The following SPRR2E variants were observed in gnomAD, a reference collection of about 807,000 sequenced individuals.
The protein encoded by SPRR2E is small proline rich protein 2E, also known as small proline-rich protein 2E.
For synonymous variants in SPRR2E, 20 were observed against 32.2 expected, an observed-to-expected ratio of 0.62 and a Z score of 1.28; for missense variants, 68 against 87.1, an observed-to-expected ratio of 0.78 and a Z score of 0.87.
Position 153,093,414 on chromosome 1 carries a change from A to C in SPRR2E, c.*119T>G, listed in dbSNP as rs1012894873. Reference sequence around the variant, plus strand: ...CATCATGGGCAGATCACTGGCTAAGAGGAAAGAAGCTAACTGTGTATCCAT... The same window carrying C: ...CATCATGGGCAGATCACTGGCTAAGCGGAAAGAAGCTAACTGTGTATCCAT... On this transcript the variant is annotated 3_prime_UTR_variant, in exon 2 of 2. Coordinates refer to ENST00000368750, the MANE Select transcript of SPRR2E (RefSeq NM_001024209.4). 6.0e-6 allele frequency: 9 copies of C among 1,511,054 alleles called. No homozygotes were observed. The highest frequency in any genetic ancestry group is 8.0e-6 in the Non-Finnish European group (9 of 1,123,666). 93.6% of individuals were successfully genotyped at this position (1,511,054 alleles called of 1,614,324 possible).
intron 1 of SPRR2E, among the ~76,000 whole-genome samples, 195 bp downstream of exon 1, chr1:153,094,289 A>G (rs1232639767): frequency 6.6e-6 from 1 of 152,260 alleles, no homozygotes; most frequent in Non-Finnish European, 1.5e-5. Flanking sequence ...TTCTCTGTCC[A>G]TATGGACATA....
chr1:153,093,452 T>C lies in SPRR2E; in HGVS notation c.*81A>G, dbSNP rs568523111. 2 of 1,560,432 alleles carry C rather than the reference T, an allele frequency of 1.3e-6. No homozygotes were observed. Among genetic ancestry groups the C allele is most frequent in the South Asian group, 2.5e-5 (2 of 81,268 alleles). Reference sequence around the variant, plus strand: ...ACTGTGTATCCATGGTAGGCTTTGATGAGAAGATGCAGGTGAAGCTGTGGA... The same window carrying C: ...ACTGTGTATCCATGGTAGGCTTTGACGAGAAGATGCAGGTGAAGCTGTGGA... On this transcript the variant is annotated 3_prime_UTR_variant, in exon 2 of 2. Transcript: ENST00000368750.
In SPRR2E at chr1:153,093,730, A is replaced by C. The variant is rs559981509; in HGVS notation, c.22T>G (p.Cys8Gly). 1 of 1,612,134 alleles carries C rather than the reference A, an allele frequency of 6.2e-7. No homozygotes were observed. Among genetic ancestry groups the C allele is most frequent in the South Asian group, 1.1e-5 (1 of 91,002 alleles). The change falls in exon 2 of 2, where the codon TGC (cysteine) becomes GGC (glycine). Residue 8 changes from cysteine to glycine, a missense_variant. Coordinates refer to ENST00000368750, the MANE Select transcript of SPRR2E (RefSeq NM_001024209.4). MSYQQQQ[C>G]KQPCQPPPVC... ...GGAGGTGGCTGGCAGGGCTGCTTGC[A>C]CTGCTGCTGTTGATAAGACATCCTG...
At position 153,093,340 on chromosome 1, in the gene SPRR2E, C is replaced by G. The variant is rs1655133819; in HGVS notation, c.*193G>C. ...CTTCCTTTCTCAGTCTCCACCTGGA[C>G]AGTGGCAATATGGCAGCCTCAGAAA... is the stretch of plus-strand genomic sequence containing the variant. On this transcript the variant is annotated 3_prime_UTR_variant, in exon 2 of 2. Transcript: ENST00000368750. The G allele has an allele frequency of 9.2e-7, 1 of 1,091,102 alleles. No individual in the cohort carries two copies. Among genetic ancestry groups the G allele is most frequent in the Non-Finnish European group, 1.3e-6 (1 of 771,796 alleles). The allele number at this position is 1,091,102 out of a possible 1,614,324, so 67.6% of individuals were successfully genotyped here.
At position 153,093,380 on chromosome 1, in the gene SPRR2E, A is replaced by G. The variant is rs1655134666; in HGVS notation, c.*153T>C. 4 of 1,406,840 alleles carry G rather than the reference A, an allele frequency of 2.8e-6. No individual in the cohort carries two copies. The highest frequency in any genetic ancestry group is 3.8e-6 in the Non-Finnish European group (4 of 1,041,652). 87.1% of individuals were successfully genotyped at this position (1,406,840 alleles called of 1,614,324 possible). On this transcript the variant is annotated 3_prime_UTR_variant, in exon 2 of 2. Coordinates refer to ENST00000368750, the MANE Select transcript of SPRR2E (RefSeq NM_001024209.4). Reference sequence around the variant, plus strand: ...AGCCTCAGAAAGGAAACCTTTTGCTATCAGGGATCATCATGGGCAGATCAC... The same window carrying G: ...AGCCTCAGAAAGGAAACCTTTTGCTGTCAGGGATCATCATGGGCAGATCAC...
Position 153,093,663 on chromosome 1 carries a change from G to A in SPRR2E, c.89C>T (p.Pro30Leu), listed in dbSNP as rs146373267. The A allele has an allele frequency of 9.9e-5, 159 of 1,612,342 alleles. 1 individual carries two copies. In the Middle Eastern group the frequency reaches 1.9e-3, roughly 19 times the overall value. The change falls in exon 2 of 2, where the codon CCG becomes CTG. Residue 30 changes from proline to leucine, a missense_variant. Pro to Leu is a moderately conservative substitution (Grantham distance 98). Coordinates refer to ENST00000368750, the MANE Select transcript of SPRR2E (RefSeq NM_001024209.4). ...TPKCPEPCPP[P>L]KCPEPCPPPK... ...TGGTGGGCAGGGCTCAGGGCACTTC[G>A]GGGGTGGACATGGCTCTGGGCACTT...
chr1:153,093,211 G>A lies in SPRR2E; in HGVS notation c.*322C>T. On this transcript the variant is annotated 3_prime_UTR_variant, in exon 2 of 2. Coordinates refer to ENST00000368750, the MANE Select transcript of SPRR2E (RefSeq NM_001024209.4). ...ACAGGTGTTAGAAGCCCATGCCCAGGTGACAGACAGACACAGAAAACATCA... is the reference window on the plus strand; with the variant it reads ...ACAGGTGTTAGAAGCCCATGCCCAGATGACAGACAGACACAGAAAACATCA... The A allele has an allele frequency of 2.3e-6, 1 of 444,238 alleles. No individual in the cohort carries two copies. Among genetic ancestry groups the A allele is most frequent in the Non-Finnish European group, 3.9e-6 (1 of 253,912 alleles). 27.5% of individuals were successfully genotyped at this position (444,238 alleles called of 1,614,324 possible).
Position 153,093,175 on chromosome 1 carries a change from G to A in SPRR2E, c.*358C>T, listed in dbSNP as rs1436713047. 1.1e-5 allele frequency: 4 copies of A among 356,570 alleles called. No homozygotes were observed. The highest frequency in any genetic ancestry group is 2.1e-5 in the African/African-American group (1 of 47,522). The allele number at this position is 356,570 out of a possible 1,614,324, so 22.1% of individuals were successfully genotyped here. A position where few individuals can be genotyped will look rare whatever the true frequency, so the allele number is the denominator to read the frequency against. The stretch of plus-strand genomic sequence containing the variant: ...ATTTTATTCAGGGAGTGAAAGAAAA[G>A]TGACAATTGCACAGGTGTTAGAAGC... On this transcript the variant is annotated 3_prime_UTR_variant, in exon 2 of 2. Transcript: ENST00000368750.
In SPRR2E at chr1:153,093,407, G is replaced by C; in HGVS notation, c.*126C>G. ...CAGGGATCATCATGGGCAGATCACTGGCTAAGAGGAAAGAAGCTAACTGTG... is the reference window on the plus strand; with the variant it reads ...CAGGGATCATCATGGGCAGATCACTCGCTAAGAGGAAAGAAGCTAACTGTG... On this transcript the variant is annotated 3_prime_UTR_variant, in exon 2 of 2. Transcript: ENST00000368750. 4.0e-6 allele frequency: 6 copies of C among 1,500,438 alleles called. No individual in the cohort carries two copies. Among genetic ancestry groups the C allele is most frequent in the Non-Finnish European group, 5.4e-6 (6 of 1,114,612 alleles). 92.9% of individuals were successfully genotyped at this position (1,500,438 alleles called of 1,614,324 possible).
rs1655136740 is a variant in SPRR2E at position 153,093,450 on chromosome 1, G to A, written c.*83C>T. On this transcript the variant is annotated 3_prime_UTR_variant, in exon 2 of 2. Transcript: ENST00000368750. Reference sequence around the variant, plus strand: ...TAACTGTGTATCCATGGTAGGCTTTGATGAGAAGATGCAGGTGAAGCTGTG... The same window carrying A: ...TAACTGTGTATCCATGGTAGGCTTTAATGAGAAGATGCAGGTGAAGCTGTG... 6.4e-7 allele frequency: 1 copy of A among 1,559,278 alleles called. No individual in the cohort carries two copies. Among genetic ancestry groups the A allele is most frequent in the Non-Finnish European group, 8.7e-7 (1 of 1,151,198 alleles).
chr1:153,093,475 G>A lies in SPRR2E; in HGVS notation c.*58C>T. ...GATGAGAAGATGCAGGTGAAGCTGT[G>A]GAACAAGGTGAGCCAATTATCCTTA... On this transcript the variant is annotated 3_prime_UTR_variant, in exon 2 of 2. Transcript: ENST00000368750. 3 of 1,578,624 alleles carry A rather than the reference G, an allele frequency of 1.9e-6. No individual in the cohort carries two copies. Among genetic ancestry groups the A allele is most frequent in the Middle Eastern group, 4.6e-4 (2 of 4,306 alleles).
chr1:153,093,669 G>T lies in SPRR2E; in HGVS notation c.83C>A (p.Pro28Gln), dbSNP rs780977279. The stretch of plus-strand genomic sequence containing the variant: ...GCAGGGCTCAGGGCACTTCGGGGGT[G>T]GACATGGCTCTGGGCACTTTGGCGT... ...CPTPKCPEPC[P>Q]PPKCPEPCPP... The change falls in exon 2 of 2, where the codon CCA (proline) becomes CAA (glutamine). Residue 28 changes from proline to glutamine, a missense_variant. Coordinates refer to ENST00000368750, the MANE Select transcript of SPRR2E (RefSeq NM_001024209.4). The T allele has an allele frequency of 2.5e-6, 4 of 1,612,218 alleles. No homozygotes were observed. Among genetic ancestry groups the T allele is most frequent in the Non-Finnish European group, 3.4e-6 (4 of 1,179,850 alleles).
At position 153,093,447 on chromosome 1, in the gene SPRR2E, T is replaced by G. The variant is rs961569648; in HGVS notation, c.*86A>C. On this transcript the variant is annotated 3_prime_UTR_variant, in exon 2 of 2. Transcript: ENST00000368750. ...AGCTAACTGTGTATCCATGGTAGGCTTTGATGAGAAGATGCAGGTGAAGCT... is the reference window on the plus strand; with the variant it reads ...AGCTAACTGTGTATCCATGGTAGGCGTTGATGAGAAGATGCAGGTGAAGCT... 42 of 1,557,924 alleles carry G rather than the reference T, an allele frequency of 2.7e-5. 1 individual carries two copies. Among genetic ancestry groups the G allele is most frequent in the Non-Finnish European group, 3.6e-5 (41 of 1,150,582 alleles).
At position 153,093,235 on chromosome 1, in the gene SPRR2E, C is replaced by T; in HGVS notation, c.*298G>A. 1 of 492,580 alleles carries T rather than the reference C, an allele frequency of 2.0e-6. No homozygotes were observed. The highest frequency in any genetic ancestry group is 4.8e-5 in the South Asian group (1 of 20,928). The allele number at this position is 492,580 out of a possible 1,614,324, so 30.5% of individuals were successfully genotyped here. On this transcript the variant is annotated 3_prime_UTR_variant, in exon 2 of 2. Transcript: ENST00000368750. ...GGTGACAGACAGACACAGAAAACAT[C>T]AACAGCATTTTTTGATGGTTCCCAG...
Position 153,093,267 on chromosome 1 carries a change from A to T in SPRR2E, c.*266T>A. Reference sequence around the variant, plus strand: ...ATTTTTTGATGGTTCCCAGGGACAGAGCTGCTGGTCCTTCTTCCAAAGCTC... The same window carrying T: ...ATTTTTTGATGGTTCCCAGGGACAGTGCTGCTGGTCCTTCTTCCAAAGCTC... On this transcript the variant is annotated 3_prime_UTR_variant, in exon 2 of 2. Coordinates refer to ENST00000368750, the MANE Select transcript of SPRR2E (RefSeq NM_001024209.4). 1.7e-6 allele frequency: 1 copy of T among 597,176 alleles called. No individual in the cohort carries two copies. The highest frequency in any genetic ancestry group is 2.9e-5 in the East Asian group (1 of 34,280). The allele number at this position is 597,176 out of a possible 1,614,324, so 37.0% of individuals were successfully genotyped here.
In SPRR2E at chr1:153,093,495, T is replaced by A; in HGVS notation, c.*38A>T. On this transcript the variant is annotated 3_prime_UTR_variant, in exon 2 of 2. Transcript: ENST00000368750. Reference sequence around the variant, plus strand: ...GCTGTGGAACAAGGTGAGCCAATTATCCTTATCCTTTCATGCTCCTGATGA... The same window carrying A: ...GCTGTGGAACAAGGTGAGCCAATTAACCTTATCCTTTCATGCTCCTGATGA... 1 of 1,600,552 alleles carries A rather than the reference T, an allele frequency of 6.2e-7. No homozygotes were observed. The highest frequency in any genetic ancestry group is 8.5e-7 in the Non-Finnish European group (1 of 1,173,884).
rs960919475 is a variant in SPRR2E at position 153,093,729 on chromosome 1, C to T, written c.23G>A (p.Cys8Tyr). 1.1e-5 allele frequency: 17 copies of T among 1,612,000 alleles called. No individual in the cohort carries two copies. Among genetic ancestry groups the T allele is most frequent in the African/African-American group, 4.0e-5 (3 of 74,862 alleles). Residue 8 changes from cysteine to tyrosine, a missense_variant, in exon 2 of 2, where the codon TGC (cysteine) becomes TAC (tyrosine). Physicochemically the swap from Cys to Tyr is radical, Grantham distance 194 (BLOSUM62 -2). Coordinates refer to ENST00000368750, the MANE Select transcript of SPRR2E (RefSeq NM_001024209.4). ...AGGAGGTGGCTGGCAGGGCTGCTTG[C>T]ACTGCTGCTGTTGATAAGACATCCT... is the stretch of plus-strand genomic sequence containing the variant. MSYQQQQ[C>Y]KQPCQPPPVC...
At position 153,093,234 on chromosome 1, in the gene SPRR2E, T is replaced by A. The variant is rs979579754; in HGVS notation, c.*299A>T. The stretch of plus-strand genomic sequence containing the variant: ...AGGTGACAGACAGACACAGAAAACA[T>A]CAACAGCATTTTTTGATGGTTCCCA... On this transcript the variant is annotated 3_prime_UTR_variant, in exon 2 of 2. Transcript: ENST00000368750. The A allele has an allele frequency of 2.0e-6, 1 of 488,354 alleles. No individual in the cohort carries two copies. Among genetic ancestry groups the A allele is most frequent in the Admixed American group, 3.7e-5 (1 of 26,740 alleles). 30.3% of individuals were successfully genotyped at this position (488,354 alleles called of 1,614,324 possible). A position where few individuals can be genotyped will look rare whatever the true frequency, so the allele number is the denominator to read the frequency against.
Position 153,093,790 on chromosome 1 carries a change from A to T in SPRR2E, c.-19-20T>A. 2 of 1,610,798 alleles carry T rather than the reference A, an allele frequency of 1.2e-6. No homozygotes were observed. Among genetic ancestry groups the T allele is most frequent in the Non-Finnish European group, 1.7e-6 (2 of 1,179,866 alleles). ...CAGAATCTGAAAGAAATGATATGACAGTGTTCACAGGAATGGACTCCTCCA... is the reference window on the plus strand; with the variant it reads ...CAGAATCTGAAAGAAATGATATGACTGTGTTCACAGGAATGGACTCCTCCA... On this transcript the variant is annotated intron_variant, in intron 1 of 1. Coordinates refer to ENST00000368750, the MANE Select transcript of SPRR2E (RefSeq NM_001024209.4).
Sources: allele counts gnomAD v4.1 joint callset (sites outside exome capture counted in the v4.1 genomes callset), GRCh38; gene constraint gnomAD v4.1.1; transcripts MANE v1.5; gene names NCBI Gene and HGNC (gene_info 2026-07-23, HGNC 2026-07-21).